JCAD: variants seen among roughly 807,000 people sequenced by gnomAD.
The protein encoded by JCAD is junctional cadherin 5 associated.
JCAD carries 40 observed loss-of-function variants against 98.0 expected under a neutral mutation model. The observed-to-expected ratio is 0.41, with a 90% CI of 0.32 to 0.53. The LOEUF (loss-of-function observed/expected upper bound fraction) is 0.53. Ranked by LOEUF, JCAD falls within the 20% of genes least tolerant of loss-of-function variation. JCAD has a pLI of 0.31. For synonymous variants in JCAD, 691 were observed against 682.3 expected, an observed-to-expected ratio of 1.01 and a Z score of -0.20; for missense variants, 1,705 against 1,738.1, an observed-to-expected ratio of 0.98 and a Z score of 0.34.
chr10:30,112,984 T>C (rs901898671), intron 1 of JCAD, among the ~76,000 whole-genome samples: 1 of 152,068 alleles, frequency 6.6e-6, no homozygotes, highest in Admixed American at 6.6e-5. Flanking sequence ...GTTTCCTTTC[T>C]GGGTGATGAA....
At chr10:30,045,556 T>C (rs1459024199) in intron 2 of JCAD, among the ~76,000 whole-genome samples, 3 of 152,060 alleles carry the variant, frequency 2.0e-5, no homozygotes, top group African/African-American at 2.4e-5. Context: ...GAAAACTAAA[T>C]GAAAAAACAA....
intron 1 of JCAD, among the ~76,000 whole-genome samples, chr10:30,075,899 A>G (rs1837972244): frequency 1.3e-5 from 2 of 152,220 alleles, no homozygotes; most frequent in South Asian, 2.1e-4. Flanking sequence ...TCACTGTATT[A>G]TAGCACTATT....
At chr10:30,109,678 GGATACTAT>G (rs1838653005) in intron 1 of JCAD, among the ~76,000 whole-genome samples, 1 of 152,176 alleles carries the variant, frequency 6.6e-6, no homozygotes, top group Non-Finnish European at 1.5e-5. Context: ...GATGGTGGAA[GGATACTAT>G]GATTTGCCAT....
intron 3 of JCAD, among the ~76,000 whole-genome samples, chr10:30,024,688 A>G (rs78597901): frequency 9.9e-6 from 1 of 100,664 alleles, no homozygotes; most frequent in Non-Finnish European, 1.8e-5. Context: ...GCCCATGTAC[A>G]TTTTTTTTTT....
At chr10:30,024,999 A>AT (rs1375131716) in intron 3 of JCAD, among the ~76,000 whole-genome samples, 1 of 151,912 alleles carries the variant, frequency 6.6e-6, no homozygotes, top group Non-Finnish European at 1.5e-5. Context: ...CCGGCCCTAC[A>AT]TTTTTTTGTT....
At chr10:30,067,569 C>G (rs1439267214) in intron 2 of JCAD, among the ~76,000 whole-genome samples, 1 of 152,204 alleles carries the variant, frequency 6.6e-6, no homozygotes, top group African/African-American at 2.4e-5. Context: ...CTCAGGTTAT[C>G]TGCCCACTTT....
rs7917566 is a variant in JCAD, at chr10:30,028,668, C to T, written c.1480G>A (p.Asp494Asn). 1.1e-5 allele frequency: 18 copies of T among 1,603,436 alleles called. No homozygotes were observed. The highest frequency in any genetic ancestry group is 5.1e-5 in the Admixed American group (3 of 58,264). Residue 494 changes from aspartate (D) to asparagine (N), a missense_variant, in exon 3 of 4, where the codon GAT (aspartate) becomes AAT (asparagine). By Grantham distance (23) the Asp-to-Asn change is conservative. This residue lies in a region of JCAD where 1,278 missense variants were observed against 1,243.1 expected (regional missense o/e 1.03). Transcript: ENST00000375377. ...CCCCACAGCCACCGGGGGCTGGAAT[C>T]GGCCAAGACCAGGCCTCTCTCATCC... is the stretch of plus-strand genomic sequence containing the variant. ...SGDERGLVLA[D>N]SSPRWLWGQP...
Position 30,027,541 on chromosome 10 carries a change from C to G in JCAD, c.2607G>C (p.Glu869Asp). 1.2e-6 allele frequency: 2 copies of G among 1,613,458 alleles called. No individual in the cohort carries two copies. Among genetic ancestry groups the G allele is most frequent in the Non-Finnish European group, 1.7e-6 (2 of 1,180,042 alleles). Residue 869 changes from glutamate to aspartate, a missense_variant, in exon 3 of 4, where the codon GAG (glutamate) becomes GAC (aspartate). Physicochemically the swap from Glu to Asp is conservative, Grantham distance 45 (BLOSUM62 2). This residue lies in a region of JCAD where 1,278 missense variants were observed against 1,243.1 expected (regional missense o/e 1.03). Coordinates refer to ENST00000375377, the MANE Select transcript of JCAD (RefSeq NM_020848.4). The stretch of plus-strand genomic sequence containing the variant: ...CCTCCTGTCTGCAGTGAGCACGGTT[C>G]TCCTGCTGCGGCTCCGCCTCACTCT... ...SEESEAEPQQ[E>D]NRAHCRQEDV...
At chr10:30,049,811 G>C (rs1261793884) in intron 1 of JCAD, among the ~76,000 whole-genome samples, 1 of 152,190 alleles carries the variant, frequency 6.6e-6, no homozygotes, top group African/African-American at 2.4e-5. Context: ...TTAGGGCAGG[G>C]TCTTTGGTTT....
chr10:30,020,863 C>T (rs1049232969), intron 3 of JCAD, among the ~76,000 whole-genome samples: 9 of 152,186 alleles, frequency 5.9e-5, no homozygotes, highest in African/African-American at 9.7e-5. Flanking sequence ...AGTCACACTT[C>T]GGCTAGTGGG....
chr10:30,044,808 G>A, intron 2 of JCAD: 1 of 975,196 alleles, frequency 1.0e-6, no homozygotes, highest in Non-Finnish European at 1.2e-6. Context: ...CCAATTTTCA[G>A]TTCTCTATTG....
intron 1 of JCAD, among the ~76,000 whole-genome samples, chr10:30,049,337 C>A (rs1259188129): frequency 6.6e-6 from 1 of 152,204 alleles, no homozygotes; most frequent in Non-Finnish European, 1.5e-5. Flanking sequence ...CCAGGAAACG[C>A]CTGCTGGCCC....
At chr10:30,045,197 G>C (rs1191991427) in intron 2 of JCAD, among the ~76,000 whole-genome samples, 1 of 152,110 alleles carries the variant, frequency 6.6e-6, no homozygotes, top group African/African-American at 2.4e-5. Flanking sequence ...TTGTGGATGA[G>C]GTTGGCGGCC....
chr10:30,073,577 T>C (rs933737161), intron 1 of JCAD, among the ~76,000 whole-genome samples: 4 of 152,210 alleles, frequency 2.6e-5, no homozygotes, highest in African/African-American at 9.6e-5. Context: ...ATTACAGAGA[T>C]GGAAGGTGAT....
intron 2 of JCAD, among the ~76,000 whole-genome samples, chr10:30,044,192 T>C (rs1459385828): frequency 6.6e-6 from 1 of 152,214 alleles, no homozygotes; most frequent in Non-Finnish European, 1.5e-5. Flanking sequence ...TAAATTTCCA[T>C]TCATCATAAA....
intron 1 of JCAD, among the ~76,000 whole-genome samples, chr10:30,053,559 C>CAAAAAA (rs374863516): frequency 3.9e-5 from 5 of 126,646 alleles, no homozygotes; most frequent in Non-Finnish European, 1.7e-5. Flanking sequence ...TACTCTGTCT[C>CAAAAAA]AAAAAAAAAA....
Position 30,029,662 on chromosome 10 carries a change from A to G in JCAD, c.486T>C (p.His162=), listed in dbSNP as rs1564445796. ...GPWEVGGRSE[H]VMKKPVWEEE... is the part of the protein sequence containing the mutation. The stretch of plus-strand genomic sequence containing the variant: ...CTTCCCAAACTGGCTTCTTCATCAC[A>G]TGCTCTGACCTTCCTCCAACTTCCC... Residue 162 remains histidine, a synonymous_variant, in exon 3 of 4, where the codon CAT becomes CAC. Coordinates refer to ENST00000375377, the MANE Select transcript of JCAD (RefSeq NM_020848.4). The G allele has an allele frequency of 3.1e-6, 5 of 1,614,066 alleles. No individual in the cohort carries two copies. Among genetic ancestry groups the G allele is most frequent in the Non-Finnish European group, 4.2e-6 (5 of 1,180,000 alleles).
At position 30,026,262 on chromosome 10, in the gene JCAD, C is replaced by G; in HGVS notation, c.3886G>C (p.Ala1296Pro). 4 of 1,613,932 alleles carry G rather than the reference C, an allele frequency of 2.5e-6. No homozygotes were observed. Among genetic ancestry groups the G allele is most frequent in the Non-Finnish European group, 3.4e-6 (4 of 1,180,042 alleles). The part of the protein sequence containing the change: ...EELKATTRGQ[A>P]GLPGGLVSPG... Reference sequence around the variant, plus strand: ...GACACAAGGCCTCCCGGGAGCCCGGCCTGGCCCCTTGTGGTGGCCTTCAAT... The same window carrying G: ...GACACAAGGCCTCCCGGGAGCCCGGGCTGGCCCCTTGTGGTGGCCTTCAAT... The change falls in exon 3 of 4, where the codon GCC becomes CCC. Residue 1296 changes from alanine (A) to proline (P), a missense_variant. Around this residue, in one of 3 missense-constraint regions of JCAD, gnomAD observed 1,278 missense variants for 1,243.1 expected, o/e 1.03. Coordinates refer to ENST00000375377, the MANE Select transcript of JCAD (RefSeq NM_020848.4).
At chr10:30,041,972 CTG>C (rs140594644) in intron 2 of JCAD, among the ~76,000 whole-genome samples, 1 of 151,922 alleles carries the variant, frequency 6.6e-6, no homozygotes, top group Non-Finnish European at 1.5e-5. Context: ...CTTCCTCTTA[CTG>C]TGTGTGTGTG....
Sources: allele counts gnomAD v4.1 joint callset (sites outside exome capture counted in the v4.1 genomes callset), GRCh38; gene constraint gnomAD v4.1.1; regional missense constraint gnomAD v4.1.1; transcripts MANE v1.5; gene names NCBI Gene and HGNC (gene_info 2026-07-23, HGNC 2026-07-21).